Variants in HELZ observed in about 807,000 individuals in gnomAD.
The protein encoded by HELZ is ATP-dependent RNA helicase with zinc finger domain.
A neutral mutation model predicts 218.2 loss-of-function variants in HELZ; 23 were observed. The ratio of observed to expected loss-of-function variants is 0.11; its 90% confidence interval spans 0.08 to 0.15. The LOEUF (loss-of-function observed/expected upper bound fraction) is 0.15. Ranked by LOEUF, HELZ falls within the 10% of genes least tolerant of loss-of-function variation. The pLI is 1.00. For missense variants in HELZ, 1,813 were observed against 2,353.7 expected, an observed-to-expected ratio of 0.77 and a Z score of 4.75; for synonymous variants, 814 against 829.4, an observed-to-expected ratio of 0.98 and a Z score of 0.32.
chr17:67,136,765 G>A (rs193272195), intron 22 of HELZ, among the ~76,000 whole-genome samples: 1 of 152,262 alleles, frequency 6.6e-6, no homozygotes, highest in East Asian at 1.9e-4. Context: ...GAGAAAGAAT[G>A]TAGAAGGGTG....
Position 67,128,795 on chromosome 17 carries a change from A to G in HELZ, c.3243T>C (p.Thr1081=). ...CHENSSLHGI[T]FEQIKAQLEA... is the part of the protein sequence containing the mutation. The stretch of plus-strand genomic sequence containing the variant: ...CTAACTGGGCTTTGATCTGTTCAAA[A>G]GTGATTCCATGTAGGCTACTGTTTT... Residue 1081 remains threonine (T), a synonymous_variant, in exon 24 of 33, where the codon ACT becomes ACC. Transcript: ENST00000358691. The G allele has an allele frequency of 1.2e-6, 2 of 1,614,160 alleles. No individual in the cohort carries two copies. Among genetic ancestry groups the G allele is most frequent in the Non-Finnish European group, 1.7e-6 (2 of 1,180,010 alleles).
intron 13 of HELZ, among the ~76,000 whole-genome samples, chr17:67,168,111 A>T (rs189801910): frequency 3.8e-4 from 58 of 152,200 alleles, no homozygotes; most frequent in Non-Finnish European, 5.9e-4. Context: ...CCTCCCGAGT[A>T]GCTGGGATTA....
At chr17:67,121,271 ATTATT>A (rs1320700437) in intron 26 of HELZ, among the ~76,000 whole-genome samples, 6 of 152,350 alleles carry the variant, frequency 3.9e-5, no homozygotes, top group South Asian at 4.1e-4. Context: ...TACTGCTCCT[ATTATT>A]TTATTATAAC....
In HELZ at chr17:67,138,916, G is replaced by A. The variant is rs139698191; in HGVS notation, c.2770-802C>T. On this transcript the variant is annotated intron_variant, in intron 21 of 32. Coordinates refer to ENST00000358691, the MANE Select transcript of HELZ (RefSeq NM_014877.4). The stretch of plus-strand genomic sequence containing the variant: ...AGTTAATAAAACATGTTCCTTGCCC[G>A]CTACTTACTGAGAAGAACTTATGGT... Among the ~76,000 whole-genome samples, 126 of 152,042 alleles carry A rather than the reference G, an allele frequency of 8.3e-4. 1 individual carries two copies. The highest frequency in any genetic ancestry group is 2.8e-3 in the African/African-American group (116 of 41,482).
At chr17:67,089,647 TTA>T (rs371659847) in intron 31 of HELZ, among the ~76,000 whole-genome samples, 10,909 of 54,394 alleles carry the variant, frequency 0.2, 1,182 homozygotes, top group Admixed American at 0.25. Flanking sequence ...ATTGGAGATT[TTA>T]TATATATATA....
chr17:67,083,854 T>C (rs1335761365), intron 32 of HELZ, among the ~76,000 whole-genome samples: 1 of 152,184 alleles, frequency 6.6e-6, no homozygotes, highest in Non-Finnish European at 1.5e-5. Context: ...TCCACAAGCA[T>C]TTACTAAGAG....
chr17:67,131,370 C>T (rs1327367295), intron 23 of HELZ, among the ~76,000 whole-genome samples: 2 of 152,108 alleles, frequency 1.3e-5, no homozygotes, highest in Admixed American at 6.5e-5. Context: ...GTCAAACAAC[C>T]TCACACTTCA....
chr17:67,139,395 A>G (rs2038252195), intron 21 of HELZ, among the ~76,000 whole-genome samples: 1 of 152,170 alleles, frequency 6.6e-6, no homozygotes, highest in Admixed American at 6.5e-5. Context: ...ATCTTTACCC[A>G]TGTGGTTAGA....
intron 23 of HELZ, among the ~76,000 whole-genome samples, chr17:67,130,641 T>C (rs1300294462): frequency 2.6e-5 from 4 of 152,152 alleles, no homozygotes; most frequent in African/African-American, 7.2e-5. Context: ...GGAAGGACTA[T>C]CTTATATAGC....
At chr17:67,146,403 T>C (rs1026442192) in intron 20 of HELZ, among the ~76,000 whole-genome samples, 1 of 152,214 alleles carries the variant, frequency 6.6e-6, no homozygotes, top group Admixed American at 6.5e-5. Flanking sequence ...TTTGTACAGG[T>C]TTGTAACCTA....
Position 67,178,850 on chromosome 17 carries a change from A to G in HELZ, c.1239T>C (p.Ile413=). 6.2e-7 allele frequency: 1 copy of G among 1,613,494 alleles called. No individual in the cohort carries two copies. The highest frequency in any genetic ancestry group is 8.5e-7 in the Non-Finnish European group (1 of 1,179,476). ...AKRWDSSSKT[I]IDFEPNETTD... is the part of the protein sequence containing the mutation. ...TAGTTTCATTAGGTTCAAAATCTATAATAGTCTTAGAGGAAGAATCCCAAC... is the reference window on the plus strand; with the variant it reads ...TAGTTTCATTAGGTTCAAAATCTATGATAGTCTTAGAGGAAGAATCCCAAC... The change falls in exon 13 of 33, where the codon ATT becomes ATC. Residue 413 remains isoleucine, a synonymous_variant. Coordinates refer to ENST00000358691, the MANE Select transcript of HELZ (RefSeq NM_014877.4).
intron 16 of HELZ, 39 bp downstream of exon 16, chr17:67,160,858 C>A: frequency 7.0e-7 from 1 of 1,421,116 alleles, no homozygotes; most frequent in Non-Finnish European, 9.6e-7. Flanking sequence ...GAGGTAGTAT[C>A]CTACCAGGGA....
At chr17:67,222,843 A>G (rs1440636430) in intron 3 of HELZ, among the ~76,000 whole-genome samples, 1 of 152,146 alleles carries the variant, frequency 6.6e-6, no homozygotes, top group South Asian at 2.1e-4. Context: ...CAGCTCCCAG[A>G]TACACTTCAA....
At chr17:67,145,013 C>T (rs1033795581) in intron 21 of HELZ, among the ~76,000 whole-genome samples, 3 of 152,020 alleles carry the variant, frequency 2.0e-5, no homozygotes, top group Non-Finnish European at 4.4e-5. Context: ...ATTCCTACTA[C>T]ATAATAAAAG....
chr17:67,128,340 T>G (rs2037868115), intron 24 of HELZ, among the ~76,000 whole-genome samples: 1 of 152,236 alleles, frequency 6.6e-6, no homozygotes, highest in South Asian at 2.1e-4. Flanking sequence ...TAAACTTCTT[T>G]GTTTTATTCA....
intron 17 of HELZ, among the ~76,000 whole-genome samples, chr17:67,154,718 A>T (rs1478310919): frequency 6.6e-6 from 1 of 152,210 alleles, no homozygotes; most frequent in African/African-American, 2.4e-5. Context: ...TTTTCATTCA[A>T]TTCAAGACCA....
intron 32 of HELZ, among the ~76,000 whole-genome samples, 192 bp downstream of exon 32, chr17:67,086,637 T>TATATAC (rs2036394766): frequency 1.4e-5 from 1 of 72,216 alleles, no homozygotes; most frequent in African/African-American, 7.2e-5. Context: ...TATAAATATA[T>TATATAC]ATATATATAT....
intron 14 of HELZ, 24 bp downstream of exon 14, chr17:67,167,439 T>C (rs1285721622): frequency 6.5e-7 from 1 of 1,548,296 alleles, no homozygotes; most frequent in East Asian, 2.2e-5. Context: ...ACCACTATGG[T>C]TAAGCTGCAA....
At chr17:67,167,188 T>C (rs904420044) in intron 14 of HELZ, among the ~76,000 whole-genome samples, 1 of 152,228 alleles carries the variant, frequency 6.6e-6, no homozygotes, top group Non-Finnish European at 1.5e-5. Context: ...GTAGCTTACA[T>C]AGTTTCTTTT....
Sources: gnomAD v4.1 joint callset for allele counts (sites outside exome capture counted in the v4.1 genomes callset) on GRCh38, gnomAD v4.1.1 for gene constraint, MANE v1.5 for transcripts, NCBI Gene and HGNC (gene_info 2026-07-23, HGNC 2026-07-21) for gene names.